The following NTRK3 variants were observed in gnomAD, a reference collection of about 807,000 sequenced individuals.
The protein encoded by NTRK3 is neurotrophic receptor tyrosine kinase 3.
In NTRK3, 24 loss-of-function variants were observed where a neutral mutation model predicts 91.7. The observed-to-expected ratio is 0.26, with a 90% CI of 0.19 to 0.37. NTRK3 has a LOEUF of 0.37. Among genes scored for constraint, NTRK3 ranks in the 10% least tolerant of loss-of-function variants. The pLI is 1.00. For missense variants in NTRK3, 880 were observed against 1,068.9 expected (o/e 0.82, Z 2.46); for synonymous variants, 483 against 404.0 (o/e 1.20, Z -2.34).
intron 14 of NTRK3, among the ~76,000 whole-genome samples, chr15:88,027,346 C>T (rs2078121996): frequency 6.6e-6 from 1 of 152,140 alleles, no homozygotes; most frequent in Non-Finnish European, 1.5e-5. Flanking sequence ...GCTGTTGATA[C>T]AAATCAATAG....
At chr15:88,187,696 G>A (rs966337425) in intron 3 of NTRK3, among the ~76,000 whole-genome samples, 2 of 152,102 alleles carry the variant, frequency 1.3e-5, no homozygotes, top group African/African-American at 2.4e-5. Flanking sequence ...GACTTTGCGA[G>A]GCTGAGGCGG....
chr15:87,950,510 C>T (rs2071004264), intron 14 of NTRK3, among the ~76,000 whole-genome samples: 1 of 152,130 alleles, frequency 6.6e-6, no homozygotes, highest in Non-Finnish European at 1.5e-5. Context: ...GAGCAAACAC[C>T]AGGATCAGAG....
chr15:88,210,557 G>T (rs753435049), intron 3 of NTRK3, among the ~76,000 whole-genome samples: 9 of 152,176 alleles, frequency 5.9e-5, no homozygotes, highest in Non-Finnish European at 1.0e-4. Flanking sequence ...TCAGATGCAG[G>T]AACAACTCTC....
chr15:88,151,872 A>T (rs1205783190), intron 5 of NTRK3, among the ~76,000 whole-genome samples: 1 of 151,986 alleles, frequency 6.6e-6, no homozygotes. Flanking sequence ...GAGCTATTAA[A>T]CCAGACTGCC....
chr15:87,932,890 T>A (rs1351394670), intron 16 of NTRK3, 122 bp downstream of exon 16: 25 of 986,124 alleles, frequency 2.5e-5, no homozygotes, highest in Non-Finnish European at 3.2e-5. Context: ...AATGTGTTCA[T>A]CTAATTTCTC....
At chr15:87,948,716 A>G (rs1435218357) in intron 14 of NTRK3, among the ~76,000 whole-genome samples, 1 of 152,152 alleles carries the variant, frequency 6.6e-6, no homozygotes, top group Non-Finnish European at 1.5e-5. Flanking sequence ...TAAAAAATAA[A>G]AATGATTAGT....
At chr15:88,100,138 C>G (rs1291176465) in intron 13 of NTRK3, among the ~76,000 whole-genome samples, 1 of 152,138 alleles carries the variant, frequency 6.6e-6, no homozygotes, top group African/African-American at 2.4e-5. Context: ...CCCTAAAACC[C>G]CCATGTGCTG....
At position 87,895,333 on chromosome 15, in the gene NTRK3, G is replaced by A. The variant is rs1220209195; in HGVS notation, c.2134-14905C>T. Among the ~76,000 whole-genome samples, 3 of 152,170 alleles carry A rather than the reference G, an allele frequency of 2.0e-5. No homozygotes were observed. The East Asian group carries it at 5.8e-4, about 29-fold the overall frequency. On this transcript the variant is annotated intron_variant, in intron 17 of 18. Transcript: ENST00000394480. ...AAATATACAGATTGAGTCTCTGAAT[G>A]AAGTTTACATTTTGGTTCTGAGGAT... is the stretch of plus-strand genomic sequence containing the variant.
At chr15:87,942,527 T>A (rs1361787760) in intron 14 of NTRK3, among the ~76,000 whole-genome samples, 1 of 152,056 alleles carries the variant, frequency 6.6e-6, no homozygotes, top group Non-Finnish European at 1.5e-5. Flanking sequence ...GGATGACACA[T>A]AGGTTCTGCA....
intron 14 of NTRK3, among the ~76,000 whole-genome samples, chr15:87,952,313 C>T (rs1367773408): frequency 1.3e-5 from 2 of 152,182 alleles, no homozygotes; most frequent in African/African-American, 2.4e-5. Flanking sequence ...TCCTCTTCTT[C>T]CTAACGTGCT....
chr15:87,941,418 G>A (rs2069833433), intron 14 of NTRK3, among the ~76,000 whole-genome samples: 1 of 151,956 alleles, frequency 6.6e-6, no homozygotes, highest in Non-Finnish European at 1.5e-5. Flanking sequence ...CCAGTGATGA[G>A]GACAAAGTAA....
intron 17 of NTRK3, among the ~76,000 whole-genome samples, chr15:87,924,392 A>C (rs2068121492): frequency 6.6e-6 from 1 of 152,122 alleles, no homozygotes; most frequent in African/African-American, 2.4e-5. Flanking sequence ...GGGAACCCTG[A>C]CCCAGAATCT....
At chr15:87,894,381 A>G (rs2065999236) in intron 17 of NTRK3, among the ~76,000 whole-genome samples, 1 of 152,200 alleles carries the variant, frequency 6.6e-6, no homozygotes, top group Non-Finnish European at 1.5e-5. Flanking sequence ...CATGTAATAT[A>G]CATACACACA....
intron 17 of NTRK3, among the ~76,000 whole-genome samples, chr15:87,922,169 T>A (rs2067927033): frequency 6.6e-6 from 1 of 152,218 alleles, no homozygotes; most frequent in Admixed American, 6.5e-5. Flanking sequence ...AACCAAGTTA[T>A]CTCACAGACC....
chr15:87,930,817 T>A (rs1480027979), intron 16 of NTRK3, among the ~76,000 whole-genome samples: 1 of 152,178 alleles, frequency 6.6e-6, no homozygotes, highest in Non-Finnish European at 1.5e-5. Flanking sequence ...TAGTGGAGGC[T>A]AAAGTTCAGA....
At chr15:88,146,395 C>A (rs112288421) in intron 6 of NTRK3, among the ~76,000 whole-genome samples, 18 of 152,296 alleles carry the variant, frequency 1.2e-4, no homozygotes, top group African/African-American at 3.9e-4. Flanking sequence ...AATCAGCATT[C>A]AGTGAATTTG....
intron 3 of NTRK3, among the ~76,000 whole-genome samples, chr15:88,199,094 G>C (rs1272051012): frequency 6.6e-6 from 1 of 152,176 alleles, no homozygotes; most frequent in Non-Finnish European, 1.5e-5. Flanking sequence ...TTAGTTCCTG[G>C]ATCCAGGGAC....
At chr15:88,163,232 GGC>G (rs746718597) in intron 5 of NTRK3, among the ~76,000 whole-genome samples, 14 of 152,232 alleles carry the variant, frequency 9.2e-5, no homozygotes, top group Non-Finnish European at 1.9e-4. Flanking sequence ...TGAGGTCAAC[GGC>G]TCATTTGTCT....
At chr15:87,893,590 G>A (rs1426423788) in intron 17 of NTRK3, among the ~76,000 whole-genome samples, 1 of 152,112 alleles carries the variant, frequency 6.6e-6, no homozygotes, top group African/African-American at 2.4e-5. Context: ...CAGTTAGAGG[G>A]AACCCACCGC....
Sources: gnomAD v4.1 joint callset for allele counts (sites outside exome capture counted in the v4.1 genomes callset) on GRCh38, gnomAD v4.1.1 for gene constraint, MANE v1.5 for transcripts, NCBI Gene and HGNC (gene_info 2026-07-23, HGNC 2026-07-21) for gene names.